Variants in CELF4 observed in about 807,000 individuals in gnomAD.
CELF4 encodes the protein CUGBP Elav-like family member 4, also known as CUG-BP- and ETR-3-like factor 4.
Under a neutral mutation model 59.9 loss-of-function variants are expected in CELF4, and 18 were observed. The observed-to-expected ratio is 0.30, with a 90% CI of 0.21 to 0.45. The LOEUF (loss-of-function observed/expected upper bound fraction) is 0.45. Among genes scored for constraint, CELF4 ranks in the 20% least tolerant of loss-of-function variants. The probability of loss-of-function intolerance (pLI) is 1.00; values close to 1 mark genes in which losing one functional copy is unlikely to be tolerated. For synonymous variants in CELF4, 261 were observed against 267.1 expected (o/e 0.98, Z 0.22); for missense variants, 456 against 689.0 (o/e 0.66, Z 3.79).
At chr18:37,355,755 C>G (rs909204614) in intron 2 of CELF4, among the ~76,000 whole-genome samples, 42 of 152,096 alleles carry the variant, frequency 2.8e-4, no homozygotes, top group African/African-American at 1.0e-3. Flanking sequence ...AGTGGGTGAC[C>G]AGGCCAGGCA....
At chr18:37,507,960 C>T (rs953834860) in intron 1 of CELF4, among the ~76,000 whole-genome samples, 1 of 152,216 alleles carries the variant, frequency 6.6e-6, no homozygotes, top group South Asian at 2.1e-4. Flanking sequence ...TCACTTACCC[C>T]ACAGCCATCT....
chr18:37,401,125 C>T (rs2099321360), intron 2 of CELF4, among the ~76,000 whole-genome samples: 1 of 152,220 alleles, frequency 6.6e-6, no homozygotes. Flanking sequence ...CCTGGACTGG[C>T]AGCTGGGATG....
chr18:37,547,157 T>TG (rs60868823), intron 1 of CELF4, among the ~76,000 whole-genome samples: 297 of 103,906 alleles, frequency 2.9e-3, no homozygotes, highest in African/African-American at 9.5e-3. Flanking sequence ...TGTGTGTGTG[T>TG]GTGGTGTGTG....
chr18:37,412,162 C>T (rs988740824), intron 2 of CELF4, among the ~76,000 whole-genome samples: 3 of 152,208 alleles, frequency 2.0e-5, no homozygotes, highest in Non-Finnish European at 4.4e-5. Flanking sequence ...CCTACTGTGG[C>T]TTAGGAGCCG....
At chr18:37,428,391 G>A (rs2099627489) in intron 2 of CELF4, among the ~76,000 whole-genome samples, 2 of 152,062 alleles carry the variant, frequency 1.3e-5, no homozygotes, top group Admixed American at 6.6e-5. Flanking sequence ...AGGGAGGAAG[G>A]TGAAGTCACA....
At chr18:37,506,407 TC>T (rs762855485) in intron 1 of CELF4, among the ~76,000 whole-genome samples, 8 of 152,196 alleles carry the variant, frequency 5.3e-5, no homozygotes, top group Non-Finnish European at 1.2e-4. Context: ...CCATGGGCTA[TC>T]ACAGGACCTG....
intron 2 of CELF4, among the ~76,000 whole-genome samples, chr18:37,361,118 C>A (rs2098696639): frequency 6.6e-6 from 1 of 152,186 alleles, no homozygotes; most frequent in African/African-American, 2.4e-5. Flanking sequence ...GAAGGCCATT[C>A]ATACAGGAAA....
intron 11 of CELF4, among the ~76,000 whole-genome samples, chr18:37,255,474 A>T (rs2154284739): frequency 6.6e-6 from 1 of 151,742 alleles, no homozygotes; most frequent in East Asian, 1.9e-4. Flanking sequence ...CAACAAAACT[A>T]ACCTCTGTAT....
At chr18:37,310,802 G>A (rs373049438) in intron 3 of CELF4, among the ~76,000 whole-genome samples, 1 of 152,188 alleles carries the variant, frequency 6.6e-6, no homozygotes, top group African/African-American at 2.4e-5. Flanking sequence ...TCTGTGCTGT[G>A]TGGAGGACAC....
intron 3 of CELF4, among the ~76,000 whole-genome samples, chr18:37,310,711 G>A (rs2096614159): frequency 6.6e-6 from 1 of 152,198 alleles, no homozygotes; most frequent in African/African-American, 2.4e-5. Context: ...TGTTCCCAGT[G>A]CGGTGTGCCG....
intron 2 of CELF4, among the ~76,000 whole-genome samples, chr18:37,360,663 C>T (rs1366352473): frequency 6.6e-6 from 1 of 152,182 alleles, no homozygotes; most frequent in Non-Finnish European, 1.5e-5. Context: ...GGGCTATACT[C>T]TTCATGCCTG....
At chr18:37,428,441 A>G (rs1445349506) in intron 2 of CELF4, among the ~76,000 whole-genome samples, 1 of 152,156 alleles carries the variant, frequency 6.6e-6, no homozygotes, top group African/African-American at 2.4e-5. Context: ...GGTGCTAAGC[A>G]GAGAGGTTTT....
intron 3 of CELF4, among the ~76,000 whole-genome samples, chr18:37,311,579 C>T (rs889980160): frequency 2.7e-5 from 4 of 149,100 alleles, no homozygotes; most frequent in East Asian, 2.0e-4. Context: ...CACGAGGTCA[C>T]GAGTTCGAGA....
At chr18:37,421,337 G>A (rs965409287) in intron 2 of CELF4, among the ~76,000 whole-genome samples, 8 of 152,306 alleles carry the variant, frequency 5.3e-5, no homozygotes, top group Admixed American at 3.3e-4. Context: ...CCCTCCTTGC[G>A]CACTGGCTGG....
rs2067438468 is a variant in CELF4, at chr18:37,254,097, C to G, written c.1334-159G>C. Reference sequence around the variant, plus strand: ...CCCCGGTGCCCGCCCCTCTCCAGCCCGCGCGCGCGTGCTAGGCCCCTCCGG... The same window carrying G: ...CCCCGGTGCCCGCCCCTCTCCAGCCGGCGCGCGCGTGCTAGGCCCCTCCGG... On this transcript the variant is annotated intron_variant, in intron 11 of 12. Coordinates refer to ENST00000420428, the MANE Select transcript of CELF4 (RefSeq NM_020180.4). This position sits in a 1 kb window ranked among gnomAD's most constrained non-coding sequence, Gnocchi z 5.1. The G allele has an allele frequency of 2.7e-6, 1 of 372,826 alleles. No homozygotes were observed. The highest frequency in any genetic ancestry group is 4.2e-6 in the Non-Finnish European group (1 of 239,228). 23.1% of individuals were successfully genotyped at this position (372,826 alleles called of 1,614,324 possible).
intron 3 of CELF4, among the ~76,000 whole-genome samples, chr18:37,321,197 G>T (rs1013550718): frequency 6.6e-6 from 1 of 152,144 alleles, no homozygotes; most frequent in Non-Finnish European, 1.5e-5. Flanking sequence ...GAGCCTCAAG[G>T]TGCTGCATTC....
intron 2 of CELF4, among the ~76,000 whole-genome samples, chr18:37,322,603 A>G (rs2097161987): frequency 6.6e-6 from 1 of 152,134 alleles, no homozygotes; most frequent in African/African-American, 2.4e-5. Context: ...TCAATGGCCC[A>G]TTCAGGGCAC....
chr18:37,560,181 A>G (rs2099986120), intron 1 of CELF4, among the ~76,000 whole-genome samples: 1 of 152,188 alleles, frequency 6.6e-6, no homozygotes, highest in Non-Finnish European at 1.5e-5. Flanking sequence ...TTGCACTGAA[A>G]TCTAGGCCAG....
At chr18:37,347,659 C>A (rs1359251358) in intron 2 of CELF4, among the ~76,000 whole-genome samples, 1 of 152,162 alleles carries the variant, frequency 6.6e-6, no homozygotes, top group Non-Finnish European at 1.5e-5. Flanking sequence ...ATCAAGCCAG[C>A]CCCAAACCTG....
Sources: allele counts gnomAD v4.1 joint callset (sites outside exome capture counted in the v4.1 genomes callset), GRCh38; gene constraint gnomAD v4.1.1; non-coding constraint Gnocchi (gnomAD v3.1); transcripts MANE v1.5; gene names NCBI Gene and HGNC (gene_info 2026-07-23, HGNC 2026-07-21).